Variants in CWF19L2 observed in about 807,000 individuals in gnomAD.
CWF19L2 encodes CWF19-like protein 2.
In CWF19L2, 98 loss-of-function variants were observed where a neutral mutation model predicts 111.7. The observed-to-expected ratio is 0.88, with a 90% CI of 0.75 to 1.04. CWF19L2 has a LOEUF of 1.04. Ranked by LOEUF, CWF19L2 falls within the 50% of genes least tolerant of loss-of-function variation. The probability of loss-of-function intolerance (pLI) is 0.00; values close to 1 mark genes in which losing one functional copy is unlikely to be tolerated. For synonymous variants in CWF19L2, 351 were observed against 342.9 expected (o/e 1.02, Z -0.26); for missense variants, 1,101 against 1,051.4 (o/e 1.05, Z -0.65).
At chr11:107,424,317 C>T (rs1861344765) in intron 8 of CWF19L2, among the ~76,000 whole-genome samples, 1 of 151,608 alleles carries the variant, frequency 6.6e-6, no homozygotes. Context: ...AGCTGTCTTG[C>T]TTCTTCTAAA....
chr11:107,386,875 G>A (rs1352921796), intron 12 of CWF19L2, among the ~76,000 whole-genome samples: 3 of 152,046 alleles, frequency 2.0e-5, no homozygotes. Context: ...CCAACATGGT[G>A]AAACCCCGTC....
chr11:107,363,443 AG>A (rs1860390090), intron 12 of CWF19L2, among the ~76,000 whole-genome samples: 1 of 152,066 alleles, frequency 6.6e-6, no homozygotes, highest in Non-Finnish European at 1.5e-5. Flanking sequence ...TTACCCTCAA[AG>A]GGAAGCCCAT....
intron 6 of CWF19L2, among the ~76,000 whole-genome samples, chr11:107,434,233 C>T (rs1374120784): frequency 6.6e-6 from 1 of 151,654 alleles, no homozygotes; most frequent in African/African-American, 2.4e-5. Flanking sequence ...AAAAAAGCTA[C>T]CTCAGCTGCA....
chr11:107,338,623 G>GA (rs1859961990), intron 14 of CWF19L2, among the ~76,000 whole-genome samples: 1 of 152,010 alleles, frequency 6.6e-6, no homozygotes, highest in Non-Finnish European at 1.5e-5. Flanking sequence ...CATGTGTCCA[G>GA]GTGTTCTCAT....
chr11:107,392,712 T>C (rs1163769665), intron 11 of CWF19L2, 67 bp downstream of exon 11: 1 of 904,226 alleles, frequency 1.1e-6, no homozygotes. Flanking sequence ...TATAATCTGA[T>C]ACAAAGAAAG....
intron 12 of CWF19L2, among the ~76,000 whole-genome samples, chr11:107,386,301 G>A (rs932533081): frequency 1.7e-4 from 26 of 151,874 alleles, no homozygotes; most frequent in Non-Finnish European, 4.4e-5. Context: ...GGTGTGAGCC[G>A]CCACTCCTGT....
Position 107,336,695 on chromosome 11 carries a change from C to A in CWF19L2, c.2221G>T (p.Val741Leu), listed in dbSNP as rs567036766. ...EEIQMFRKSL[V>L]KMFEDKGLDC... is the part of the protein sequence containing the mutation. ...AATCCTTTATCTTCAAACATCTTTA[C>A]CAATGATTTTCTGAACATCTAAAAA... The change falls in exon 15 of 18, where the codon GTA (valine) becomes TTA (leucine). Residue 741 changes from valine (V) to leucine (L), a missense_variant. Physicochemically the swap from Val to Leu is conservative, Grantham distance 32 (BLOSUM62 1). Transcript: ENST00000282251. The A allele has an allele frequency of 1.6e-5, 23 of 1,481,928 alleles. 1 individual carries two copies. In the Admixed American group the frequency reaches 4.5e-4, roughly 29 times the overall value. The allele number at this position is 1,481,928 out of a possible 1,614,324, so 91.8% of individuals were successfully genotyped here.
intron 10 of CWF19L2, among the ~76,000 whole-genome samples, chr11:107,393,640 G>A (rs2134598144): frequency 6.6e-6 from 1 of 152,286 alleles, no homozygotes; most frequent in African/African-American, 2.4e-5. Context: ...CAACTGAAGT[G>A]TCCACTAATG....
At chr11:107,370,677 T>C (rs1860494726) in intron 12 of CWF19L2, among the ~76,000 whole-genome samples, 1 of 137,460 alleles carries the variant, frequency 7.3e-6, no homozygotes, top group African/African-American at 2.9e-5. Flanking sequence ...ATAAATAGCA[T>C]GAGATCTGAC....
intron 8 of CWF19L2, among the ~76,000 whole-genome samples, chr11:107,427,881 C>T (rs980370505): frequency 1.4e-5 from 2 of 145,698 alleles, no homozygotes; most frequent in African/African-American, 2.5e-5. Context: ...TCCCTCCCAC[C>T]GAAAATTACA....
At position 107,457,772 on chromosome 11, in the gene CWF19L2, C is replaced by G; in HGVS notation, c.45G>C (p.Ala15=). The change falls in exon 1 of 18, where the codon GCG becomes GCC. Residue 15 remains alanine, a synonymous_variant. Transcript: ENST00000282251. ...GTTCTTTCCGCTCTTCGATACTCTT[C>G]GCACTTTCAAATCTACCACTAGCAG... The part of the protein sequence containing the change: ...MAAASGRFES[A]KSIEERKEQT... 2 of 1,551,790 alleles carry G rather than the reference C, an allele frequency of 1.3e-6. No individual in the cohort carries two copies. Among genetic ancestry groups the G allele is most frequent in the Non-Finnish European group, 1.7e-6 (2 of 1,147,004 alleles).
chr11:107,404,425 A>G (rs2135387720), intron 10 of CWF19L2: 1 of 778,060 alleles, frequency 1.3e-6, no homozygotes, highest in Non-Finnish European at 2.4e-6. Context: ...TTATAGTACC[A>G]GAGGATGCCA....
At chr11:107,421,044 G>C (rs543274209) in intron 8 of CWF19L2, among the ~76,000 whole-genome samples, 2 of 152,156 alleles carry the variant, frequency 1.3e-5, no homozygotes, top group African/African-American at 4.8e-5. Context: ...CATGTTCTAA[G>C]CTATACAAAC....
chr11:107,415,207 C>A (rs748500764), intron 10 of CWF19L2, among the ~76,000 whole-genome samples: 3 of 152,086 alleles, frequency 2.0e-5, no homozygotes, highest in Admixed American at 2.0e-4. Flanking sequence ...CATCTTTGGG[C>A]CTTTAAATCT....
chr11:107,398,562 C>T (rs571587355), intron 10 of CWF19L2, among the ~76,000 whole-genome samples: 1 of 152,104 alleles, frequency 6.6e-6, no homozygotes, highest in Non-Finnish European at 1.5e-5. Context: ...TAAGAATAAT[C>T]GGTATACCTG....
intron 12 of CWF19L2, among the ~76,000 whole-genome samples, chr11:107,385,085 CTTTCT>C (rs1477041403): frequency 6.6e-6 from 1 of 152,098 alleles, no homozygotes; most frequent in East Asian, 1.9e-4. Flanking sequence ...ACTTCAAATA[CTTTCT>C]TTTTTTTATA....
At chr11:107,371,670 T>G (rs1860512857) in intron 12 of CWF19L2, among the ~76,000 whole-genome samples, 1 of 137,786 alleles carries the variant, frequency 7.3e-6, no homozygotes, top group Non-Finnish European at 1.6e-5. Context: ...CTTGATTCTG[T>G]GCACTACAAA....
At chr11:107,354,570 C>T (rs1860207978) in intron 12 of CWF19L2, among the ~76,000 whole-genome samples, 1 of 151,992 alleles carries the variant, frequency 6.6e-6, no homozygotes, top group Non-Finnish European at 1.5e-5. Flanking sequence ...GGATGGGATG[C>T]AAGTCTAAAA....
At position 107,440,783 on chromosome 11, in the gene CWF19L2, A is replaced by G. The variant is rs753916687; in HGVS notation, c.570+720T>C. 2.6e-5 allele frequency among the ~76,000 whole-genome samples: 4 copies of G among 152,236 alleles called. 1 individual carries two copies. Among genetic ancestry groups the G allele is most frequent in the Non-Finnish European group, 5.9e-5 (4 of 68,038 alleles). On this transcript the variant is annotated intron_variant, in intron 5 of 17. Coordinates refer to ENST00000282251, the MANE Select transcript of CWF19L2 (RefSeq NM_152434.3). ...ACATAAATGAGCAGCTCCCAGTACA[A>G]GAAATCTGAATGACCAAAAAACATG...
Sources: allele counts gnomAD v4.1 joint callset (sites outside exome capture counted in the v4.1 genomes callset), GRCh38; gene constraint gnomAD v4.1.1; transcripts MANE v1.5; gene names NCBI Gene and HGNC (gene_info 2026-07-23, HGNC 2026-07-21).